Variants in SNX8 observed in about 807,000 individuals in gnomAD.
SNX8 encodes sorting nexin-8.
A neutral mutation model predicts 51.6 loss-of-function variants in SNX8; 25 were observed. That is an observed-to-expected ratio of 0.48 (90% CI 0.35 to 0.68). The LOEUF (loss-of-function observed/expected upper bound fraction) is 0.68. Among genes scored for constraint, SNX8 ranks in the 30% least tolerant of loss-of-function variants. The probability of loss-of-function intolerance (pLI) is 0.00; values close to 1 mark genes in which losing one functional copy is unlikely to be tolerated. For missense variants in SNX8, 695 were observed against 624.0 expected (o/e 1.11, Z -1.21); for synonymous variants, 324 against 277.0 (o/e 1.17, Z -1.68).
intron 7 of SNX8, among the ~76,000 whole-genome samples, chr7:2,258,047 G>C (rs905459338): frequency 2.9e-5 from 4 of 136,246 alleles, no homozygotes; most frequent in African/African-American, 1.2e-4. Context: ...TCTTCGCTCT[G>C]TCGCCCAGGC....
Position 2,271,964 on chromosome 7 carries a change from CCT to C in SNX8, c.424_425del (p.Arg142GlyfsTer59). On this transcript the variant is annotated frameshift_variant, in exon 4 of 11. Transcript: ENST00000222990. LOFTEE classifies it high-confidence loss of function. The part of the protein sequence containing the change: ...LPPKRMLGAD[R>X]EFIEARRRAL... ...CTCTCCTCCTGGCCTCGATGAACTC[CCT>C]GTCAGCTGGAGGAGCACACGGGGTC... The C allele has an allele frequency of 3.7e-6, 6 of 1,614,044 alleles. No homozygotes were observed. The highest frequency in any genetic ancestry group is 5.1e-6 in the Non-Finnish European group (6 of 1,180,000).
intron 7 of SNX8, among the ~76,000 whole-genome samples, chr7:2,259,997 A>C (rs190459777): frequency 1.3e-5 from 2 of 152,288 alleles, no homozygotes; most frequent in East Asian, 3.9e-4. Context: ...AAAACAAAAA[A>C]GGAAAAAAGA....
Position 2,252,069 on chromosome 7 carries a change from C to T in SNX8, c.*2987G>A, listed in dbSNP as rs1315043058. 1 of 152,256 alleles carries T rather than the reference C, an allele frequency of 6.6e-6. No homozygotes were observed. The highest frequency in any genetic ancestry group is 1.5e-5 in the Non-Finnish European group (1 of 68,070). The allele number at this position is 152,256 out of a possible 1,614,324, so 9.4% of individuals were successfully genotyped here. On this transcript the variant is annotated 3_prime_UTR_variant, in exon 11 of 11. Coordinates refer to ENST00000222990, the MANE Select transcript of SNX8 (RefSeq NM_013321.4). ...TGACCCCGAGTACCCAGGACACGGA[C>T]CACGAGGACCCAATGAAAATGTCCC...
At chr7:2,346,100 C>G (rs1562465236) in intron 1 of SNX8, among the ~76,000 whole-genome samples, 1 of 152,148 alleles carries the variant, frequency 6.6e-6, no homozygotes, top group Non-Finnish European at 1.5e-5. Context: ...AGCCACCACA[C>G]CCAGCCTATT....
At chr7:2,335,876 A>G (rs1029466711) in intron 1 of SNX8, among the ~76,000 whole-genome samples, 1 of 151,596 alleles carries the variant, frequency 6.6e-6, no homozygotes, top group South Asian at 2.1e-4. Context: ...ATGAATGTTA[A>G]TTTGTGGTGA....
intron 1 of SNX8, among the ~76,000 whole-genome samples, chr7:2,347,321 A>G (rs565700885): frequency 1.3e-5 from 2 of 151,926 alleles, no homozygotes; most frequent in African/African-American, 4.8e-5. Context: ...TTTCTAATAA[A>G]AATACAAAAA....
At chr7:2,332,786 AGAAG>A (rs1778761039) in intron 1 of SNX8, among the ~76,000 whole-genome samples, 5 of 145,350 alleles carry the variant, frequency 3.4e-5, no homozygotes, top group African/African-American at 1.4e-4. Flanking sequence ...AAGGAGGGAA[AGAAG>A]GAAGGGAAGG....
chr7:2,304,010 C>CA (rs893302396), intron 1 of SNX8, among the ~76,000 whole-genome samples: 1 of 144,960 alleles, frequency 6.9e-6, no homozygotes. Flanking sequence ...AAAAAAAATA[C>CA]AAAAAAATTA....
intron 1 of SNX8, among the ~76,000 whole-genome samples, chr7:2,336,632 C>T (rs961850102): frequency 4.0e-5 from 6 of 151,302 alleles, no homozygotes; most frequent in Non-Finnish European, 7.4e-5. Context: ...TGCTTGAACC[C>T]GGGAGGCGGA....
chr7:2,292,671 G>A lies in SNX8; in HGVS notation c.95-14366C>T, dbSNP rs1030219241. Among the ~76,000 whole-genome samples, 9 of 152,032 alleles carry A rather than the reference G, an allele frequency of 5.9e-5. No homozygotes were observed. The East Asian group carries it at 7.8e-4, about 13-fold the overall frequency. Reference sequence around the variant, plus strand: ...CATGATCCACCCGCCTCGGCCTCCCGAAGTGCTGGGATTACAGGCGTGAGC... The same window carrying A: ...CATGATCCACCCGCCTCGGCCTCCCAAAGTGCTGGGATTACAGGCGTGAGC... On this transcript the variant is annotated intron_variant, in intron 1 of 10. Coordinates refer to ENST00000222990, the MANE Select transcript of SNX8 (RefSeq NM_013321.4).
chr7:2,280,944 C>G (rs1257383199), intron 1 of SNX8, among the ~76,000 whole-genome samples: 1 of 151,984 alleles, frequency 6.6e-6, no homozygotes, highest in Non-Finnish European at 1.5e-5. Flanking sequence ...AGGCGTGCAC[C>G]AATATGCCCA....
intron 1 of SNX8, among the ~76,000 whole-genome samples, chr7:2,313,521 C>T (rs1199783874): frequency 8.3e-6 from 1 of 121,036 alleles, no homozygotes; most frequent in Non-Finnish European, 1.7e-5. Context: ...GAGAATCTGT[C>T]TCAAAAAAAA....
chr7:2,255,495 G>A (rs759452580), intron 10 of SNX8, among the ~76,000 whole-genome samples: 4 of 152,222 alleles, frequency 2.6e-5, no homozygotes, highest in Non-Finnish European at 5.9e-5. Context: ...TAGCTGCCGT[G>A]CGGGCACTGG....
intron 1 of SNX8, among the ~76,000 whole-genome samples, chr7:2,291,031 C>T (rs935788922): frequency 6.6e-6 from 1 of 152,126 alleles, no homozygotes; most frequent in Non-Finnish European, 1.5e-5. Flanking sequence ...CACTGGCTCA[C>T]GCCTGCAATC....
At chr7:2,304,047 G>T (rs1796482833) in intron 1 of SNX8, among the ~76,000 whole-genome samples, 1 of 150,392 alleles carries the variant, frequency 6.6e-6, no homozygotes, top group Non-Finnish European at 1.5e-5. Context: ...GGCGCCTGTA[G>T]TCCCAGCTAC....
chr7:2,277,722 G>T (rs1225883528), intron 2 of SNX8, among the ~76,000 whole-genome samples: 2 of 151,916 alleles, frequency 1.3e-5, no homozygotes, highest in Non-Finnish European at 2.9e-5. Flanking sequence ...CAGGAGAATC[G>T]CTTGAACCCG....
intron 1 of SNX8, among the ~76,000 whole-genome samples, chr7:2,341,002 A>G (rs1371752179): frequency 2.0e-5 from 3 of 150,282 alleles, no homozygotes; most frequent in Admixed American, 2.0e-4. Context: ...TGGGCAACAT[A>G]GCAAGATGCT....
At chr7:2,298,306 G>A (rs1796317646) in intron 1 of SNX8, among the ~76,000 whole-genome samples, 1 of 151,624 alleles carries the variant, frequency 6.6e-6, no homozygotes, top group African/African-American at 2.4e-5. Context: ...TTTTGTAGAG[G>A]CAAAGTCTCA....
chr7:2,335,060 G>A (rs1778801857), intron 1 of SNX8, among the ~76,000 whole-genome samples: 1 of 151,896 alleles, frequency 6.6e-6, no homozygotes, highest in South Asian at 2.1e-4. Flanking sequence ...CCTGGGTGTG[G>A]TTGTGTGCGC....
Sources: allele counts gnomAD v4.1 joint callset (sites outside exome capture counted in the v4.1 genomes callset), GRCh38; gene constraint gnomAD v4.1.1; transcripts MANE v1.5; gene names NCBI Gene and HGNC (gene_info 2026-07-23, HGNC 2026-07-21).